The following AGTPBP1 variants were observed in gnomAD, a reference collection of about 807,000 sequenced individuals.
AGTPBP1 encodes ATP/GTP binding carboxypeptidase 1.
In AGTPBP1, 70 loss-of-function variants were observed where a neutral mutation model predicts 143.9. The observed-to-expected ratio is 0.49, with a 90% CI of 0.40 to 0.59. AGTPBP1 has a LOEUF of 0.59. Among genes scored for constraint, AGTPBP1 ranks in the 20% least tolerant of loss-of-function variants. AGTPBP1 has a pLI of 0.00. For synonymous variants in AGTPBP1, 463 were observed against 500.2 expected (o/e 0.93, Z 0.99); for missense variants, 1,229 against 1,464.5 (o/e 0.84, Z 2.62).
chr9:85,586,653 A>G (rs902333605), intron 22 of AGTPBP1, among the ~76,000 whole-genome samples, 178 bp downstream of exon 22: 1 of 152,222 alleles, frequency 6.6e-6, no homozygotes, highest in Non-Finnish European at 1.5e-5. Context: ...ATCAATATTC[A>G]TAACGAAAAA....
the AGTPBP1 span, among the ~76,000 whole-genome samples, chr9:85,773,283 AAAAG>A: frequency 0.023 from 3,162 of 139,968 alleles, 269 homozygotes; most frequent in African/African-American, 0.09. Context: ...AAAAAAAAAA[AAAAG>A]AAAGTGTCAT....
chr9:85,786,242 A>G, the AGTPBP1 span: 4 of 1,601,020 alleles, frequency 2.5e-6, no homozygotes, highest in Non-Finnish European at 3.4e-6. Flanking sequence ...TTAAGAACAC[A>G]GCCAAATCCT....
At chr9:85,658,265 T>C (rs1048967301) in intron 9 of AGTPBP1, among the ~76,000 whole-genome samples, 5 of 152,150 alleles carry the variant, frequency 3.3e-5, no homozygotes, top group Non-Finnish European at 5.9e-5. Flanking sequence ...GATTAGAAAA[T>C]AGTGCTTTCT....
Position 85,634,541 on chromosome 9 carries a change from T to C in AGTPBP1, c.1303-1167A>G, listed in dbSNP as rs576054739. On this transcript the variant is annotated intron_variant, in intron 13 of 25. Coordinates refer to ENST00000357081, the MANE Select transcript of AGTPBP1 (RefSeq NM_001330701.2). Reference sequence around the variant, plus strand: ...ATTTGGGTTTTTACTCTGAATGAGATTGGAAGCCATGACAGGGAGGGATGC... The same window carrying C: ...ATTTGGGTTTTTACTCTGAATGAGACTGGAAGCCATGACAGGGAGGGATGC... Among the ~76,000 whole-genome samples, 11 of 152,226 alleles carry C rather than the reference T, an allele frequency of 7.2e-5. No homozygotes were observed. In the South Asian group the frequency reaches 2.3e-3, roughly 32 times the overall value.
chr9:85,586,764 T>TG, intron 22 of AGTPBP1, 67 bp downstream of exon 22: 1 of 1,547,614 alleles, frequency 6.5e-7, no homozygotes, highest in Non-Finnish European at 8.8e-7. Flanking sequence ...ATCACACAAG[T>TG]GCTTGATAAT....
chr9:85,738,957 T>A (rs1824021516), intron 1 of AGTPBP1, among the ~76,000 whole-genome samples: 1 of 152,142 alleles, frequency 6.6e-6, no homozygotes, highest in African/African-American at 2.4e-5. Context: ...CCAGGCACTG[T>A]GGGCTAAGCA....
intron 3 of AGTPBP1, among the ~76,000 whole-genome samples, chr9:85,683,621 T>C (rs1835321877): frequency 6.6e-6 from 1 of 152,166 alleles, no homozygotes; most frequent in South Asian, 2.1e-4. Context: ...TCAATGTCAT[T>C]GTGGAAAATT....
At chr9:85,601,348 G>A (rs926407037) in intron 17 of AGTPBP1, among the ~76,000 whole-genome samples, 2 of 152,304 alleles carry the variant, frequency 1.3e-5, no homozygotes, top group Middle Eastern at 6.8e-3. Flanking sequence ...CACGTGAGGG[G>A]CTTGAGGACA....
At chr9:85,694,013 T>C (rs570447363) in intron 2 of AGTPBP1, among the ~76,000 whole-genome samples, 1 of 152,246 alleles carries the variant, frequency 6.6e-6, no homozygotes, top group Admixed American at 6.5e-5. Context: ...CCAGTGTGGC[T>C]GGAGGAGACA....
intron 11 of AGTPBP1, among the ~76,000 whole-genome samples, chr9:85,650,041 CCTTT>C (rs1179473563): frequency 7.2e-5 from 8 of 110,784 alleles, no homozygotes; most frequent in African/African-American, 2.8e-4. Context: ...TCTAAACTTT[CCTTT>C]TTTTTTTTTT....
chr9:85,767,180 CT>C, the AGTPBP1 span, among the ~76,000 whole-genome samples: 3,546 of 116,408 alleles, frequency 0.03, 54 homozygotes, highest in African/African-American at 0.1. Flanking sequence ...TGAGAACATA[CT>C]TTTTTTTTTT....
At chr9:85,604,637 G>A (rs1373106418) in intron 17 of AGTPBP1, among the ~76,000 whole-genome samples, 1 of 152,094 alleles carries the variant, frequency 6.6e-6, no homozygotes, top group Non-Finnish European at 1.5e-5. Flanking sequence ...ATGAACAAAG[G>A]CACCAGGGAC....
chr9:85,643,356 T>C (rs1424261594), intron 12 of AGTPBP1, among the ~76,000 whole-genome samples: 1 of 152,174 alleles, frequency 6.6e-6, no homozygotes, highest in Non-Finnish European at 1.5e-5. Context: ...ATAAGAACAC[T>C]ATGAAGTTAC....
chr9:85,734,911 T>C (rs753807674), intron 1 of AGTPBP1, among the ~76,000 whole-genome samples: 2 of 152,074 alleles, frequency 1.3e-5, no homozygotes, highest in Middle Eastern at 3.4e-3. Flanking sequence ...TGACACACAC[T>C]TGTAGTCCCA....
intron 2 of AGTPBP1, among the ~76,000 whole-genome samples, chr9:85,703,982 G>A (rs1286365247): frequency 6.6e-6 from 1 of 152,188 alleles, no homozygotes; most frequent in African/African-American, 2.4e-5. Flanking sequence ...CAAAAGAAAT[G>A]TCAACTGCTG....
chr9:85,772,474 G>A, the AGTPBP1 span, among the ~76,000 whole-genome samples: 8 of 152,250 alleles, frequency 5.3e-5, no homozygotes, highest in African/African-American at 1.9e-4. Context: ...ATGGCTGGGT[G>A]TGGTGGCTCA....
At chr9:85,783,640 G>GT in the AGTPBP1 span, among the ~76,000 whole-genome samples, 2 of 150,348 alleles carry the variant, frequency 1.3e-5, no homozygotes, top group African/African-American at 2.4e-5. Flanking sequence ...TTTTTTGTTT[G>GT]TTTTTTGTTT....
intron 24 of AGTPBP1, among the ~76,000 whole-genome samples, chr9:85,578,218 T>G (rs1370820048): frequency 1.3e-5 from 2 of 152,246 alleles, no homozygotes; most frequent in Non-Finnish European, 2.9e-5. Context: ...ATTTCAAAAG[T>G]AAAGTTTAAA....
At chr9:85,669,817 A>G (rs1179871038) in intron 7 of AGTPBP1, among the ~76,000 whole-genome samples, 3 of 150,806 alleles carry the variant, frequency 2.0e-5, no homozygotes, top group African/African-American at 7.3e-5. Context: ...AAAAACCACT[A>G]TTATAAAAAA....
Sources: allele counts gnomAD v4.1 joint callset (sites outside exome capture counted in the v4.1 genomes callset), GRCh38; gene constraint gnomAD v4.1.1; transcripts MANE v1.5; gene names NCBI Gene and HGNC (gene_info 2026-07-23, HGNC 2026-07-21).